FSTL4: variants seen among roughly 807,000 people sequenced by gnomAD.
FSTL4 encodes the protein follistatin like 4, also known as follistatin-related protein 4.
Under a neutral mutation model 78.2 loss-of-function variants are expected in FSTL4, and 28 were observed. The ratio of observed to expected loss-of-function variants is 0.36; its 90% CI spans 0.27 to 0.49. FSTL4 has a LOEUF of 0.49. Ranked by LOEUF, FSTL4 falls within the 20% of genes least tolerant of loss-of-function variation. The pLI, the probability that FSTL4 is intolerant of heterozygous loss-of-function variation, is 0.98. For synonymous variants in FSTL4, 422 were observed against 440.5 expected (o/e 0.96, Z 0.53); for missense variants, 922 against 1,084.9 (o/e 0.85, Z 2.11).
chr5:133,635,928 A>G, the FSTL4 span, among the ~76,000 whole-genome samples: 1 of 152,306 alleles, frequency 6.6e-6, no homozygotes, highest in East Asian at 1.9e-4. Context: ...GTGGGCACGA[A>G]TGACCATGAG....
At chr5:133,746,156 A>G in the FSTL4 span, among the ~76,000 whole-genome samples, 13,359 of 152,284 alleles carry the variant, frequency 0.088, 650 homozygotes, top group African/African-American at 0.1. Flanking sequence ...AAACCTCACA[A>G]TGAGGCTTTG....
At chr5:133,540,263 ACG>A (rs138431424) in intron 3 of FSTL4, among the ~76,000 whole-genome samples, 1,622 of 55,996 alleles carry the variant, frequency 0.029, 11 homozygotes, top group Middle Eastern at 0.038. Context: ...ACACACACAC[ACG>A]CACTCATTCA....
chr5:133,332,050 G>A (rs1754361412), intron 4 of FSTL4, among the ~76,000 whole-genome samples: 1 of 152,206 alleles, frequency 6.6e-6, no homozygotes, highest in Non-Finnish European at 1.5e-5. Flanking sequence ...AGAATGCAGG[G>A]CCTGGCAGTG....
chr5:133,491,034 T>C (rs891840868), intron 3 of FSTL4, among the ~76,000 whole-genome samples: 1 of 152,176 alleles, frequency 6.6e-6, no homozygotes, highest in African/African-American at 2.4e-5. Flanking sequence ...CAAAATTATC[T>C]GTACACCAAA....
chr5:133,463,884 T>C (rs899337647), intron 3 of FSTL4, among the ~76,000 whole-genome samples: 1 of 152,192 alleles, frequency 6.6e-6, no homozygotes, highest in African/African-American at 2.4e-5. Context: ...CAAAGTTAGG[T>C]GGAGGCTGGG....
intron 1 of FSTL4, among the ~76,000 whole-genome samples, chr5:133,604,711 A>G (rs1385132797): frequency 1.3e-5 from 2 of 152,152 alleles, no homozygotes. Context: ...TCTTGTCTCA[A>G]AAAAAGAAAT....
chr5:133,838,883 C>T, the FSTL4 span, among the ~76,000 whole-genome samples: 1 of 152,138 alleles, frequency 6.6e-6, no homozygotes, highest in Non-Finnish European at 1.5e-5. Flanking sequence ...TCAATGTCTC[C>T]CTGTAAGGAG....
intron 6 of FSTL4, among the ~76,000 whole-genome samples, chr5:133,289,395 C>T (rs964331117): frequency 2.6e-5 from 4 of 152,218 alleles, no homozygotes; most frequent in Admixed American, 1.3e-4. Context: ...TTCCAGGAAG[C>T]CCAGATGGTT....
chr5:133,224,174 C>T lies in FSTL4; in HGVS notation c.1339+16G>A, dbSNP rs1332280660. On this transcript the variant is annotated intron_variant, in intron 11 of 15. Transcript: ENST00000265342. ...ACGTGATCACAGGCATGACGCAAAA[C>T]AATGAAGCTTGGTACCTTCCTCTCG... 6.2e-7 allele frequency: 1 copy of T among 1,609,448 alleles called. No homozygotes were observed. Among genetic ancestry groups the T allele is most frequent in the East Asian group, 2.2e-5 (1 of 44,856 alleles).
chr5:133,377,141 G>C (rs577257090), intron 4 of FSTL4, among the ~76,000 whole-genome samples: 1 of 152,280 alleles, frequency 6.6e-6, no homozygotes, highest in East Asian at 1.9e-4. Context: ...CTAAATTCCA[G>C]GCAAATGCAA....
At chr5:133,705,853 G>GCACACACACACACA in the FSTL4 span, among the ~76,000 whole-genome samples, 2 of 151,002 alleles carry the variant, frequency 1.3e-5, no homozygotes, top group Non-Finnish European at 3.0e-5. Context: ...ACACACACAC[G>GCACACACACACACA]CGCGCACACA....
At chr5:133,740,015 T>C in the FSTL4 span, among the ~76,000 whole-genome samples, 1 of 151,156 alleles carries the variant, frequency 6.6e-6, no homozygotes, top group Non-Finnish European at 1.5e-5. Context: ...ACCTCAGCCC[T>C]GCAAGTAGCA....
intron 3 of FSTL4, among the ~76,000 whole-genome samples, chr5:133,478,179 T>A (rs1757959180): frequency 6.6e-6 from 1 of 152,234 alleles, no homozygotes; most frequent in African/African-American, 2.4e-5. Context: ...ATGAGCCACA[T>A]AACCGATTCC....
intron 4 of FSTL4, among the ~76,000 whole-genome samples, chr5:133,330,616 G>C (rs1290058779): frequency 6.6e-6 from 1 of 151,954 alleles, no homozygotes; most frequent in Non-Finnish European, 1.5e-5. Context: ...GAGATTTCAG[G>C]GTACAAATAT....
chr5:133,430,953 C>T (rs547167257), intron 3 of FSTL4, among the ~76,000 whole-genome samples: 1 of 152,274 alleles, frequency 6.6e-6, no homozygotes, highest in East Asian at 1.9e-4. Flanking sequence ...ATAAAGTGTT[C>T]TATTAAACTT....
At chr5:133,531,234 T>C (rs1759245962) in intron 3 of FSTL4, among the ~76,000 whole-genome samples, 1 of 152,094 alleles carries the variant, frequency 6.6e-6, no homozygotes, top group Admixed American at 6.5e-5. Flanking sequence ...TTTAAAGCAA[T>C]TGTTACAAGG....
chr5:133,735,620 A>T, the FSTL4 span, among the ~76,000 whole-genome samples: 1 of 152,178 alleles, frequency 6.6e-6, no homozygotes, highest in Admixed American at 6.5e-5. Flanking sequence ...TAGTCTGTTA[A>T]CAAGGGTCTG....
intron 3 of FSTL4, among the ~76,000 whole-genome samples, chr5:133,566,744 C>T (rs1397103992): frequency 2.0e-5 from 3 of 152,216 alleles, no homozygotes; most frequent in African/African-American, 7.2e-5. Flanking sequence ...ATTTCTATTT[C>T]AGCTTAGCTG....
intron 2 of FSTL4, among the ~76,000 whole-genome samples, chr5:133,567,735 A>G (rs1760058554): frequency 6.6e-6 from 1 of 152,248 alleles, no homozygotes. Context: ...GTGAGATCCT[A>G]TGAACAATTT....
Sources: gnomAD v4.1 joint callset for allele counts (sites outside exome capture counted in the v4.1 genomes callset) on GRCh38, gnomAD v4.1.1 for gene constraint, MANE v1.5 for transcripts, NCBI Gene and HGNC (gene_info 2026-07-23, HGNC 2026-07-21) for gene names.